Variants in WDR87 observed in about 807,000 individuals in gnomAD.
The protein encoded by WDR87 is WD repeat-containing protein 87.
In WDR87, 56 loss-of-function variants were observed where a neutral mutation model predicts 83.3. That is an observed-to-expected ratio of 0.67 (90% CI 0.54 to 0.84). WDR87 has a LOEUF of 0.84. Among genes scored for constraint, WDR87 ranks in the 40% least tolerant of loss-of-function variants. The pLI is 0.00. For missense variants in WDR87, 2,939 were observed against 3,431.9 expected, an observed-to-expected ratio of 0.86 and a Z score of 3.59; for synonymous variants, 1,173 against 1,250.6, an observed-to-expected ratio of 0.94 and a Z score of 1.31.
At position 37,888,036 on chromosome 19, in the gene WDR87, C is replaced by G. The variant is rs1215370680; in HGVS notation, c.5635G>C (p.Ala1879Pro). ...KMILYQKKNL[A>P]QEKKNLAQEK... ...TGGGCCAGATTCTTCTTTTCCTGAGCCAGATTCTTCTTCTGGTACAGTATC... is the reference window on the plus strand; with the variant it reads ...TGGGCCAGATTCTTCTTTTCCTGAGGCAGATTCTTCTTCTGGTACAGTATC... The change falls in exon 6 of 6, where the codon GCT (alanine) becomes CCT (proline). Residue 1879 changes from alanine (A) to proline (P), a missense_variant. Physicochemically the swap from Ala to Pro is conservative, Grantham distance 27. Coordinates refer to ENST00000447313, the MANE Select transcript of WDR87 (RefSeq NM_001291088.2). The G allele has an allele frequency of 1.3e-6, 2 of 1,551,496 alleles. No individual in the cohort carries two copies. The highest frequency in any genetic ancestry group is 1.4e-5 in the African/African-American group (1 of 73,126).
chr19:37,902,699 T>C (rs1266504009), intron 1 of WDR87, among the ~76,000 whole-genome samples: 1 of 152,234 alleles, frequency 6.6e-6, no homozygotes, highest in Non-Finnish European at 1.5e-5. Flanking sequence ...CAGTCCACTG[T>C]AAGGTACAGC....
At position 37,885,948 on chromosome 19, in the gene WDR87, C is replaced by G; in HGVS notation, c.7723G>C (p.Glu2575Gln). Reference sequence around the variant, plus strand: ...TCCCTGGAAAGCTGTTCTCCCGCTTCCATTCGTTCTAGGACATGGCGGATC... The same window carrying G: ...TCCCTGGAAAGCTGTTCTCCCGCTTGCATTCGTTCTAGGACATGGCGGATC... ...EWIRHVLERM[E>Q]AGEQLSRDGF... is the part of the protein sequence containing the mutation. Residue 2575 changes from glutamate to glutamine, a missense_variant, in exon 6 of 6, where the codon GAA (glutamate) becomes CAA (glutamine). Transcript: ENST00000447313. 6.4e-7 allele frequency: 1 copy of G among 1,552,200 alleles called. No homozygotes were observed. The highest frequency in any genetic ancestry group is 1.2e-5 in the South Asian group (1 of 84,052).
At chr19:37,896,344 G>A in intron 2 of WDR87, 36 bp from the exon 3 acceptor site, 1 of 1,540,380 alleles carries the variant, frequency 6.5e-7, no homozygotes, top group South Asian at 1.2e-5. Context: ...AGAGGCCAGG[G>A]CACAGAGGCA....
In WDR87 at chr19:37,890,108, A is replaced by G; in HGVS notation, c.3563T>C (p.Leu1188Pro). The change falls in exon 6 of 6, where the codon CTC becomes CCC. Residue 1188 changes from leucine (L) to proline (P), a missense_variant. Transcript: ENST00000447313. Reference protein sequence around the residue: ...QWSSSTSVIKLSKDVDSQEKD... With the variant: ...QWSSSTSVIKPSKDVDSQEKD... ...CTCTTGAGAATCAACATCTTTTGAG[A>G]GCTTTATTACACTGGTGCTTGAAGA... The G allele has an allele frequency of 6.4e-7, 1 of 1,551,916 alleles. No homozygotes were observed. Among genetic ancestry groups the G allele is most frequent in the Non-Finnish European group, 8.7e-7 (1 of 1,147,054 alleles).
At chr19:37,906,601 G>C (rs976365265), upstream of WDR87, 1 of 152,212 alleles carries the variant, frequency 6.6e-6, no homozygotes. Context: ...TGTTGCGAGA[G>C]GACTCCGCCC....
In WDR87 at chr19:37,885,362, G is replaced by A. The variant is rs1360977090; in HGVS notation, c.8309C>T (p.Ala2770Val). 1.6e-5 allele frequency: 25 copies of A among 1,551,672 alleles called. No homozygotes were observed. Among genetic ancestry groups the A allele is most frequent in the Non-Finnish European group, 2.0e-5 (23 of 1,147,028 alleles). ...EELPLWETFV[A>V]LYHVLRMLQQ... ...CAGCATCCGCAAAACATGGTACAGT[G>A]CCACAAATGTCTCCCACAAAGGCAA... Residue 2770 changes from alanine to valine, a missense_variant, in exon 6 of 6, where the codon GCA becomes GTA. Physicochemically the swap from Ala to Val is moderately conservative, Grantham distance 64. Around this residue, in one of 3 missense-constraint regions of WDR87, gnomAD observed 2,160 missense variants for 2,533.1 expected, o/e 0.85. Transcript: ENST00000447313.
Position 37,893,594 on chromosome 19 carries a change from T to C in WDR87, c.2109A>G (p.Ile703Met), listed in dbSNP as rs760237196. The part of the protein sequence containing the change: ...DEVLEVPKPF[I>M]PSFFFSFETM... ...TCTCAAAGGAGAAGAAGAAGCTTGG[T>C]ATGAAAGGCTTAGGGACTTCCAGTA... Residue 703 changes from isoleucine to methionine, a missense_variant, in exon 4 of 6, where the codon ATA becomes ATG. Around this residue, in one of 3 missense-constraint regions of WDR87, gnomAD observed 553 missense variants for 577.9 expected, o/e 0.96. Transcript: ENST00000447313. 14 of 1,551,844 alleles carry C rather than the reference T, an allele frequency of 9.0e-6. No homozygotes were observed. In the South Asian group the frequency reaches 1.2e-4, roughly 13 times the overall value.
At position 37,893,824 on chromosome 19, in the gene WDR87, C is replaced by T. The variant is rs1446493810; in HGVS notation, c.1879G>A (p.Asp627Asn). Residue 627 changes from aspartate (D) to asparagine (N), a missense_variant, in exon 4 of 6, where the codon GAT becomes AAT. By Grantham distance (23) the Asp-to-Asn change is conservative. Coordinates refer to ENST00000447313, the MANE Select transcript of WDR87 (RefSeq NM_001291088.2). ...SLSLFVTGSA[D>N]GSVRIWDFHG... The stretch of plus-strand genomic sequence containing the variant: ...AAGTCCCAGATCCGAACAGAGCCAT[C>T]GGCAGAACCTGTGACAAAAAGACTC... 1.8e-5 allele frequency: 28 copies of T among 1,551,594 alleles called. No homozygotes were observed. The highest frequency in any genetic ancestry group is 4.8e-5 in the South Asian group (4 of 84,064).
chr19:37,889,879 TC>T lies in WDR87; in HGVS notation c.3791del (p.Gly1264GlufsTer28), dbSNP rs1370959755. 1.2e-5 allele frequency: 18 copies of T among 1,551,668 alleles called. No homozygotes were observed. The highest frequency in any genetic ancestry group is 1.6e-5 in the Non-Finnish European group (18 of 1,146,994). On this transcript the variant is annotated frameshift_variant, in exon 6 of 6. Transcript: ENST00000447313. LOFTEE classifies it low-confidence loss of function (END_TRUNC). ...VTKKVKIQGR[G>X]ASGISGRRST... ...ACCTGCGGCCAGATATTCCAGAGGC[TC>T]CCCGCCCTTGGATTTTAACCTTTTT...
At chr19:37,890,635 T>A (rs2046197409) in intron 5 of WDR87, among the ~76,000 whole-genome samples, 1 of 152,184 alleles carries the variant, frequency 6.6e-6, no homozygotes, top group African/African-American at 2.4e-5. Context: ...TTGTAATTAC[T>A]GCAATCACAA....
Position 37,892,577 on chromosome 19 carries a change from C to T in WDR87, c.3125+1G>A. On this transcript the variant is annotated splice_donor_variant, in intron 4 of 5. Transcript: ENST00000447313. LOFTEE classifies it high-confidence loss of function. ...AAGAATTGAAGGAAGCACAAACTTACTGCATCTCCCGAAAAGTCTCTTGTT... is the reference window on the plus strand; with the variant it reads ...AAGAATTGAAGGAAGCACAAACTTATTGCATCTCCCGAAAAGTCTCTTGTT... 1 of 1,481,298 alleles carries T rather than the reference C, an allele frequency of 6.8e-7. No individual in the cohort carries two copies. The highest frequency in any genetic ancestry group is 9.0e-7 in the Non-Finnish European group (1 of 1,111,082). The allele number at this position is 1,481,298 out of a possible 1,614,324, so 91.8% of individuals were successfully genotyped here.
Position 37,885,667 on chromosome 19 carries a change from CT to C in WDR87, c.8003del (p.Lys2668ArgfsTer14), listed in dbSNP as rs764366822. 6.4e-7 allele frequency: 1 copy of C among 1,551,788 alleles called. No individual in the cohort carries two copies. The highest frequency in any genetic ancestry group is 8.7e-7 in the Non-Finnish European group (1 of 1,147,006). Reference protein sequence around the residue: ...VPTQKSPLATKRIPDPRAKNW... With the variant: ...VPTQKSPLATXRIPDPRAKNW... ...TTTTAGCCCTTGGGTCTGGAATCCT[CT>C]TGGTAGCTAATGGGGACTTTTGTGT... is the stretch of plus-strand genomic sequence containing the variant. On this transcript the variant is annotated frameshift_variant, in exon 6 of 6. Coordinates refer to ENST00000447313, the MANE Select transcript of WDR87 (RefSeq NM_001291088.2). LOFTEE classifies it low-confidence loss of function (END_TRUNC).
intron 2 of WDR87, among the ~76,000 whole-genome samples, 192 bp from the exon 3 acceptor site, chr19:37,896,500 C>T (rs1417038821): frequency 6.6e-6 from 1 of 152,174 alleles, no homozygotes; most frequent in Non-Finnish European, 1.5e-5. Flanking sequence ...ACAAATCCCC[C>T]AATGCATGAG....
Position 37,887,001 on chromosome 19 carries a change from C to A in WDR87, c.6670G>T (p.Glu2224Ter). The A allele has an allele frequency of 1.3e-6, 2 of 1,552,072 alleles. No individual in the cohort carries two copies. Among genetic ancestry groups the A allele is most frequent in the Non-Finnish European group, 1.7e-6 (2 of 1,147,096 alleles). ...AGGAATGGGATTACCTCTTCTTCTT[C>A]TATTCCTCCTTCCTCTTCATCATCC... The part of the protein sequence containing the change: ...ILDDEEEGGI[E>*]EEEVIPFLKR... The change falls in exon 6 of 6, where the codon GAA becomes TAA. Residue 2224 changes from glutamate to a stop codon, truncating the protein, a stop_gained. Coordinates refer to ENST00000447313, the MANE Select transcript of WDR87 (RefSeq NM_001291088.2). LOFTEE classifies it low-confidence loss of function (END_TRUNC).
In WDR87 at chr19:37,885,150, G is replaced by T. The variant is rs531892233; in HGVS notation, c.8521C>A (p.Arg2841=). 2.7e-6 allele frequency: 4 copies of T among 1,464,044 alleles called. No individual in the cohort carries two copies. In the South Asian group the frequency reaches 4.4e-5, roughly 16 times the overall value. The allele number at this position is 1,464,044 out of a possible 1,614,324, so 90.7% of individuals were successfully genotyped here. A position where few individuals can be genotyped will look rare whatever the true frequency, so the allele number is the denominator to read the frequency against. The change falls in exon 6 of 6, where the codon CGG becomes AGG. Residue 2841 remains arginine, a synonymous_variant. Transcript: ENST00000447313. ...LKATELVPGE[R]LFCCLFCGSS... ...CCACAAAACAGGCAGCAGAACAGCC[G>T]TTCCCCGGGAACTAGCTCTGTGGCT...
intron 1 of WDR87, among the ~76,000 whole-genome samples, chr19:37,905,563 ATT>A (rs36052498): frequency 2.7e-5 from 4 of 147,882 alleles, no homozygotes; most frequent in Admixed American, 6.8e-5. Context: ...CACATATATA[ATT>A]TTTTTTTTTT....
rs561430872 is a variant in WDR87 at position 37,896,861 on chromosome 19, C to T, written c.76-553G>A. Among the ~76,000 whole-genome samples, 6 of 152,278 alleles carry T rather than the reference C, an allele frequency of 3.9e-5. No homozygotes were observed. In the East Asian group the frequency reaches 1.2e-3, roughly 29 times the overall value. ...TCTTGAACTCCAGACCTCAGGTAATCCGCCCGCCTCGGCCTCCCAAAGTGC... is the reference window on the plus strand; with the variant it reads ...TCTTGAACTCCAGACCTCAGGTAATTCGCCCGCCTCGGCCTCCCAAAGTGC... On this transcript the variant is annotated intron_variant, in intron 2 of 5. Transcript: ENST00000447313.
At chr19:37,895,522 C>A in intron 3 of WDR87, 66 bp from the exon 4 acceptor site, 1 of 1,436,754 alleles carries the variant, frequency 7.0e-7, no homozygotes, top group Non-Finnish European at 9.3e-7. Flanking sequence ...AATCCCAGCA[C>A]TTTGGGAGGC....
intron 1 of WDR87, among the ~76,000 whole-genome samples, chr19:37,905,574 T>A (rs2145449439): frequency 6.6e-6 from 1 of 152,176 alleles, no homozygotes; most frequent in Admixed American, 6.5e-5. Context: ...TTTTTTTTTT[T>A]TTTAAAGAGA....
Sources: gnomAD v4.1 joint callset for allele counts (sites outside exome capture counted in the v4.1 genomes callset) on GRCh38, gnomAD v4.1.1 for gene constraint, gnomAD v4.1.1 regional missense constraint, MANE v1.5 for transcripts, NCBI Gene and HGNC (gene_info 2026-07-23, HGNC 2026-07-21) for gene names.